ADCYAP1: variants seen among roughly 807,000 people sequenced by gnomAD.
ADCYAP1 encodes the protein pituitary adenylate cyclase-activating polypeptide.
Under a neutral mutation model 18.5 loss-of-function variants are expected in ADCYAP1, and 6 were observed. The observed-to-expected ratio is 0.32, with a 90% CI of 0.18 to 0.64. ADCYAP1 has a LOEUF of 0.64. Ranked by LOEUF, ADCYAP1 falls within the 30% of genes least tolerant of loss-of-function variation. The pLI, the probability that ADCYAP1 is intolerant of heterozygous loss-of-function variation, is 0.77. For missense variants in ADCYAP1, 314 were observed against 253.6 expected (o/e 1.24, Z -1.62); for synonymous variants, 136 against 113.9 (o/e 1.19, Z -1.24).
chr18:907,645 C>T lies in ADCYAP1; in HGVS notation c.111-14C>T, dbSNP rs1909220129. On this transcript the variant is annotated splice_polypyrimidine_tract_variant and intron_variant, in intron 2 of 4. Transcript: ENST00000450565. ...TTGCACTGACCACACCTTCTGTCCC[C>T]GGCCACCCCGCAGGCCAGAGGAAGA... The T allele has an allele frequency of 3.8e-6, 6 of 1,579,396 alleles. No homozygotes were observed. Among genetic ancestry groups the T allele is most frequent in the Middle Eastern group, 3.3e-4 (2 of 6,010 alleles).
At chr18:905,277 C>A in intron 1 of ADCYAP1, 109 bp from the exon 2 acceptor site, 4 of 1,520,578 alleles carry the variant, frequency 2.6e-6, no homozygotes, top group Non-Finnish European at 2.6e-6. Flanking sequence ...ACTCAGGGAG[C>A]CGGGGCTTCG....
chr18:908,265 A>T lies in ADCYAP1; in HGVS notation c.243A>T (p.Arg81Ser), dbSNP rs1909254041. ...AAAWYRPAGR[R>S]DVAHGILNEA... The stretch of plus-strand genomic sequence containing the variant: ...GGCGCGCACTTTGCCTCCCCGTTAG[A>T]GATGTCGCCCACGGGATCCTTAACG... The change falls in exon 4 of 5, where the codon AGA becomes AGT. Residue 81 changes from arginine (R) to serine (S), a missense_variant and splice_region_variant. By Grantham distance (110) the Arg-to-Ser change is moderately radical. Transcript: ENST00000450565. The T allele has an allele frequency of 2.5e-6, 4 of 1,611,142 alleles. No homozygotes were observed. The highest frequency in any genetic ancestry group is 2.5e-6 in the Non-Finnish European group (3 of 1,178,670).
chr18:907,996 C>A, intron 3 of ADCYAP1: 1 of 993,494 alleles, frequency 1.0e-6, no homozygotes, highest in South Asian at 2.0e-5. Flanking sequence ...GCGTGGGGAC[C>A]GAGGGGGGCT....
At chr18:905,915 A>G in intron 2 of ADCYAP1, 1 of 213,106 alleles carries the variant, frequency 4.7e-6, no homozygotes, top group Non-Finnish European at 9.3e-6. Flanking sequence ...TTGCTTTGTT[A>G]CTGCTTGTTC....
rs1400924731 is a variant in ADCYAP1 at position 907,765 on chromosome 18, G to T, written c.217G>T (p.Ala73Ser). Residue 73 changes from alanine (A) to serine (S), a missense_variant, in exon 3 of 5, where the codon GCC (alanine) becomes TCC (serine). Physicochemically the swap from Ala to Ser is moderately conservative, Grantham distance 99 (BLOSUM62 1). Transcript: ENST00000450565. ...SPASAPRAAA[A>S]WYRPAGRRDV... ...CGCCTCCGCGCCGCGCGCCGCCGCC[G>T]CCTGGTACCGCCCGGCCGGGAGAAG... 13 of 1,468,674 alleles carry T rather than the reference G, an allele frequency of 8.9e-6. No homozygotes were observed. Among genetic ancestry groups the T allele is most frequent in the Non-Finnish European group, 1.2e-5 (13 of 1,121,546 alleles). The allele number at this position is 1,468,674 out of a possible 1,614,324, so 91.0% of individuals were successfully genotyped here.
rs754609134 is a variant in ADCYAP1 at position 905,543 on chromosome 18, C to A, written c.110+47C>A. The A allele has an allele frequency of 2.5e-6, 4 of 1,591,074 alleles. No individual in the cohort carries two copies. In the South Asian group the frequency reaches 4.4e-5, roughly 18 times the overall value. On this transcript the variant is annotated intron_variant, in intron 2 of 4. Transcript: ENST00000450565. ...CAAGCAGGAGCTGGGGCTTCCCAGGCACAGACGCTTCCTCACGGTCTCCTT... is the reference window on the plus strand; with the variant it reads ...CAAGCAGGAGCTGGGGCTTCCCAGGAACAGACGCTTCCTCACGGTCTCCTT...
rs1251454834 is a variant in ADCYAP1, at chr18:904,881, C to CAAA, written c.-181_-180insAAA. The CAAA allele has an allele frequency of 1.4e-5, 18 of 1,287,698 alleles. No homozygotes were observed. Among genetic ancestry groups the CAAA allele is most frequent in the Non-Finnish European group, 1.6e-5 (16 of 987,474 alleles). The allele number at this position is 1,287,698 out of a possible 1,614,324, so 79.8% of individuals were successfully genotyped here. ...TACAAACTTTTGAGCAGAACACGAG[C>CAAA]CTCGGCAAACGAGTCCCGCAGCTCC... On this transcript the variant is annotated 5_prime_UTR_variant, in exon 1 of 5. Coordinates refer to ENST00000450565, the MANE Select transcript of ADCYAP1 (RefSeq NM_001099733.2).
chr18:905,529 T>G, intron 2 of ADCYAP1, 33 bp downstream of exon 2: 1 of 1,601,100 alleles, frequency 6.2e-7, no homozygotes. Flanking sequence ...AAGCAGGAGC[T>G]GGGGCTTCCC....
At position 909,452 on chromosome 18, in the gene ADCYAP1, C is replaced by T; in HGVS notation, c.348C>T (p.Ser116=). Residue 116 remains serine, a synonymous_variant, in exon 5 of 5, where the codon AGC becomes AGT. Transcript: ENST00000450565. ...QSLVARGVGG[S]LGGGAGDDAE... ...CCGACCCCTTTGCTTGCAGTGGGAGCCTCGGCGGCGGCGCGGGGGACGACG... is the reference window on the plus strand; with the variant it reads ...CCGACCCCTTTGCTTGCAGTGGGAGTCTCGGCGGCGGCGCGGGGGACGACG... The T allele has an allele frequency of 1.2e-6, 2 of 1,611,460 alleles. No individual in the cohort carries two copies. The highest frequency in any genetic ancestry group is 1.7e-6 in the Non-Finnish European group (2 of 1,179,356).
At chr18:904,713 TA>T, upstream of ADCYAP1, 2 of 1,230,568 alleles carry the variant, frequency 1.6e-6, no homozygotes, top group Non-Finnish European at 2.1e-6. Context: ...CTCTTTCCCT[TA>T]ATCGCCTGCT....
In ADCYAP1 at chr18:904,996, C is replaced by G. The variant is rs1340694323; in HGVS notation, c.-66C>G. ...TCGGGTGGTGACTCCAGCGCAGGAA[C>G]TTGAAGAAGCGCTTTGCCCGCCGTC... is the stretch of plus-strand genomic sequence containing the variant. On this transcript the variant is annotated 5_prime_UTR_variant, in exon 1 of 5. Coordinates refer to ENST00000450565, the MANE Select transcript of ADCYAP1 (RefSeq NM_001099733.2). 1 of 1,290,956 alleles carries G rather than the reference C, an allele frequency of 7.7e-7. No individual in the cohort carries two copies. Among genetic ancestry groups the G allele is most frequent in the African/African-American group, 1.5e-5 (1 of 66,046 alleles). The allele number at this position is 1,290,956 out of a possible 1,614,324, so 80.0% of individuals were successfully genotyped here.
In ADCYAP1 at chr18:905,017, C is replaced by T. The variant is rs1180198286; in HGVS notation, c.-45C>T. The T allele has an allele frequency of 7.7e-7, 1 of 1,295,258 alleles. No homozygotes were observed. Among genetic ancestry groups the T allele is most frequent in the Non-Finnish European group, 1.0e-6 (1 of 992,750 alleles). The allele number at this position is 1,295,258 out of a possible 1,614,324, so 80.2% of individuals were successfully genotyped here. A position where few individuals can be genotyped will look rare whatever the true frequency, so the allele number is the denominator to read the frequency against. On this transcript the variant is annotated 5_prime_UTR_variant, in exon 1 of 5. Coordinates refer to ENST00000450565, the MANE Select transcript of ADCYAP1 (RefSeq NM_001099733.2). ...GGAACTTGAAGAAGCGCTTTGCCCG[C>T]CGTCCTACCTGGCAGCTCTCCTGGC... is the stretch of plus-strand genomic sequence containing the variant.
At chr18:908,133 T>C in intron 3 of ADCYAP1, 132 bp from the exon 4 acceptor site, 1 of 794,896 alleles carries the variant, frequency 1.3e-6, no homozygotes, top group South Asian at 1.9e-5. Context: ...TATTGGCGAG[T>C]TCTGGGCCTC....
At chr18:904,823 T>C (rs1022781079), upstream of ADCYAP1, 21 of 1,286,272 alleles carry the variant, frequency 1.6e-5, no homozygotes, top group Middle Eastern at 6.4e-4. Context: ...CCCCCTTCTC[T>C]CCGTGTCACG....
chr18:908,326 G>C lies in ADCYAP1; in HGVS notation c.304G>C (p.Gly102Arg), dbSNP rs1400847743. 2 of 1,613,346 alleles carry C rather than the reference G, an allele frequency of 1.2e-6. No homozygotes were observed. The highest frequency in any genetic ancestry group is 1.7e-6 in the Non-Finnish European group (2 of 1,179,752). The change falls in exon 4 of 5, where the codon GGG (glycine) becomes CGG (arginine). Residue 102 changes from glycine (G) to arginine (R), a missense_variant. Gly to Arg is a moderately radical substitution (Grantham distance 125). Transcript: ENST00000450565. ...CAAAGTGCTGGACCAGCTGTCCGCC[G>C]GGAAGCACCTGCAGTCGCTCGTGGC... Reference protein sequence around the residue: ...YRKVLDQLSAGKHLQSLVARG... With the variant: ...YRKVLDQLSARKHLQSLVARG...
At chr18:905,517 C>T (rs771985769) in intron 2 of ADCYAP1, 21 bp downstream of exon 2, 6 of 1,602,646 alleles carry the variant, frequency 3.7e-6, no homozygotes, top group East Asian at 2.2e-5. Flanking sequence ...GCTGCCTGGC[C>T]CAAGCAGGAG....
chr18:906,981 C>G (rs1191631178), intron 2 of ADCYAP1, among the ~76,000 whole-genome samples: 1 of 152,248 alleles, frequency 6.6e-6, no homozygotes, highest in Non-Finnish European at 1.5e-5. Flanking sequence ...GTGTGCCTGG[C>G]ACTTTCTCCG....
At chr18:904,799 C>CCT (rs1189749337), upstream of ADCYAP1, 33 of 1,281,240 alleles carry the variant, frequency 2.6e-5, no homozygotes, top group Non-Finnish European at 3.1e-5. Context: ...CTTTCTTCTG[C>CCT]CTCTCTCTCT....
intron 2 of ADCYAP1, chr18:907,443 G>T (rs1027618795): frequency 5.2e-6 from 2 of 385,928 alleles, no homozygotes; most frequent in East Asian, 4.1e-5. Context: ...ACCCGCGAAG[G>T]GGGGGTGGGC....
Sources: gnomAD v4.1 joint callset for allele counts (sites outside exome capture counted in the v4.1 genomes callset) on GRCh38, gnomAD v4.1.1 for gene constraint, MANE v1.5 for transcripts, NCBI Gene and HGNC (gene_info 2026-07-23, HGNC 2026-07-21) for gene names.